The following LRMDA variants were observed in gnomAD, a reference collection of about 807,000 sequenced individuals.
LRMDA encodes the protein leucine-rich melanocyte differentiation-associated protein.
LRMDA carries 18 observed loss-of-function variants against 29.8 expected under a neutral mutation model. The ratio of observed to expected loss-of-function variants is 0.60; its 90% CI spans 0.42 to 0.90. The LOEUF (loss-of-function observed/expected upper bound fraction) is 0.90, where lower values mean the gene tolerates loss of function less well. Ranked by LOEUF, LRMDA falls within the 40% of genes least tolerant of loss-of-function variation. LRMDA has a pLI of 0.00. For missense variants in LRMDA, 273 were observed against 273.9 expected (o/e 1.00, Z 0.02); for synonymous variants, 125 against 109.4 (o/e 1.14, Z -0.89).
At chr10:75,981,044 G>GTA (rs765397718) in intron 2 of LRMDA, among the ~76,000 whole-genome samples, 26 of 152,218 alleles carry the variant, frequency 1.7e-4, no homozygotes, top group Non-Finnish European at 3.1e-4. Flanking sequence ...TTTGTGGGTT[G>GTA]TTATAAATGT....
At chr10:76,399,697 C>T (rs1013533457) in intron 6 of LRMDA, among the ~76,000 whole-genome samples, 1 of 152,222 alleles carries the variant, frequency 6.6e-6, no homozygotes, top group South Asian at 2.1e-4. Context: ...TTTCTCTTAA[C>T]TGCTCCTGTA....
At chr10:76,046,248 T>A (rs1299621821) in intron 3 of LRMDA, among the ~76,000 whole-genome samples, 1 of 152,208 alleles carries the variant, frequency 6.6e-6, no homozygotes, top group African/African-American at 2.4e-5. Flanking sequence ...GGAGTTAGTA[T>A]GGGGACTAAG....
chr10:75,840,780 G>A (rs1275611323), intron 2 of LRMDA, among the ~76,000 whole-genome samples: 1 of 152,134 alleles, frequency 6.6e-6, no homozygotes, highest in Non-Finnish European at 1.5e-5. Context: ...AGCATTATTG[G>A]GATCCTGAAT....
intron 2 of LRMDA, among the ~76,000 whole-genome samples, chr10:75,692,970 G>A (rs1842190218): frequency 1.3e-5 from 2 of 152,168 alleles, no homozygotes; most frequent in African/African-American, 4.8e-5. Flanking sequence ...CTTTGAATGT[G>A]TGAGAGTGGG....
At chr10:75,523,518 A>T (rs553466378) in intron 2 of LRMDA, among the ~76,000 whole-genome samples, 2 of 152,208 alleles carry the variant, frequency 1.3e-5, no homozygotes, top group Non-Finnish European at 2.9e-5. Flanking sequence ...CTTGAAATCC[A>T]TATAGCCAGG....
At chr10:76,115,534 C>T (rs760164753) in intron 5 of LRMDA, among the ~76,000 whole-genome samples, 16 of 152,194 alleles carry the variant, frequency 1.1e-4, no homozygotes, top group East Asian at 1.9e-4. Context: ...GCCTTAGAGG[C>T]GGATGAGATG....
At chr10:76,225,278 G>A (rs906748667) in intron 5 of LRMDA, among the ~76,000 whole-genome samples, 1 of 152,054 alleles carries the variant, frequency 6.6e-6, no homozygotes, top group African/African-American at 2.4e-5. Context: ...GGGCGTGGTG[G>A]TGGGCGCCTG....
At chr10:75,436,972 A>AT (rs1844270302) in intron 1 of LRMDA, among the ~76,000 whole-genome samples, 1 of 152,138 alleles carries the variant, frequency 6.6e-6, no homozygotes, top group African/African-American at 2.4e-5. Context: ...AGAGTCCTTT[A>AT]TTTTTTAGCC....
At chr10:75,514,229 TTTC>T (rs1845262216) in intron 2 of LRMDA, among the ~76,000 whole-genome samples, 1 of 151,452 alleles carries the variant, frequency 6.6e-6, no homozygotes, top group African/African-American at 2.4e-5. Flanking sequence ...CTTTTCTTAG[TTTC>T]TTCTTCTCTT....
At chr10:76,265,283 A>C (rs1462869978) in intron 5 of LRMDA, among the ~76,000 whole-genome samples, 1 of 152,044 alleles carries the variant, frequency 6.6e-6, no homozygotes, top group Non-Finnish European at 1.5e-5. Flanking sequence ...AACGGTTTGG[A>C]GTTCTTTCTT....
intron 2 of LRMDA, among the ~76,000 whole-genome samples, chr10:75,696,757 T>C (rs991236909): frequency 2.0e-5 from 3 of 152,206 alleles, no homozygotes; most frequent in African/African-American, 7.2e-5. Flanking sequence ...CTGGTTTCCT[T>C]GACTTGAATT....
At chr10:75,991,654 TG>T (rs769074426) in intron 2 of LRMDA, among the ~76,000 whole-genome samples, 2 of 152,226 alleles carry the variant, frequency 1.3e-5, no homozygotes, top group African/African-American at 4.8e-5. Context: ...GATGCGTGAC[TG>T]ATGAGTGGTA....
intron 2 of LRMDA, among the ~76,000 whole-genome samples, chr10:75,803,532 T>C (rs1042180027): frequency 6.6e-6 from 1 of 152,190 alleles, no homozygotes; most frequent in African/African-American, 2.4e-5. Context: ...CTGCCACTTA[T>C]TAGCTGTGTG....
chr10:76,335,308 G>A (rs1840953862), intron 6 of LRMDA, among the ~76,000 whole-genome samples: 1 of 152,194 alleles, frequency 6.6e-6, no homozygotes, highest in Non-Finnish European at 1.5e-5. Context: ...TCTCCCACAT[G>A]AGGATTTATA....
At chr10:75,513,360 T>C (rs1001324998) in intron 2 of LRMDA, among the ~76,000 whole-genome samples, 4 of 152,344 alleles carry the variant, frequency 2.6e-5, no homozygotes, top group African/African-American at 7.2e-5. Context: ...CACATTTTTG[T>C]CACCACCATA....
intron 5 of LRMDA, among the ~76,000 whole-genome samples, chr10:76,060,268 C>T (rs1419668915): frequency 6.6e-6 from 1 of 152,134 alleles, no homozygotes; most frequent in African/African-American, 2.4e-5. Context: ...CAGTATTTCT[C>T]CTGCGCTCAT....
At chr10:76,456,652 T>TAAAAACAAA (rs1842459338) in intron 6 of LRMDA, among the ~76,000 whole-genome samples, 1 of 147,352 alleles carries the variant, frequency 6.8e-6, no homozygotes. Context: ...TGCACTCTTA[T>TAAAAACAAA]TAAAAAAAAA....
intron 2 of LRMDA, among the ~76,000 whole-genome samples, chr10:75,960,264 A>G (rs980353999): frequency 6.6e-6 from 1 of 152,250 alleles, no homozygotes; most frequent in African/African-American, 2.4e-5. Flanking sequence ...GGATAGGCAT[A>G]TTTAGAAGAG....
intron 4 of LRMDA, among the ~76,000 whole-genome samples, chr10:76,051,072 G>A (rs1408242468): frequency 6.6e-6 from 1 of 152,188 alleles, no homozygotes; most frequent in Non-Finnish European, 1.5e-5. Context: ...GCATGGAGCA[G>A]CCCTGGGGCC....
Sources: gnomAD v4.1 joint callset for allele counts (sites outside exome capture counted in the v4.1 genomes callset) on GRCh38, gnomAD v4.1.1 for gene constraint, MANE v1.5 for transcripts, NCBI Gene and HGNC (gene_info 2026-07-23, HGNC 2026-07-21) for gene names.